MOB1B: variants seen among roughly 807,000 people sequenced by gnomAD.
MOB1B encodes MOB1 Mps One Binder homolog B.
MOB1B carries 19 observed loss-of-function variants against 24.4 expected under a neutral mutation model. The ratio of observed to expected loss-of-function variants is 0.78; its 90% CI spans 0.54 to 1.14. The LOEUF (loss-of-function observed/expected upper bound fraction) is 1.14. Ranked by LOEUF, MOB1B falls within the 50% of genes most tolerant of loss-of-function variation. The pLI, the probability that MOB1B is intolerant of heterozygous loss-of-function variation, is 0.00. For missense variants in MOB1B, 243 were observed against 259.6 expected (o/e 0.94, Z 0.44); for synonymous variants, 76 against 82.1 (o/e 0.93, Z 0.40).
Position 70,940,305 on chromosome 4 carries a change from C to T in MOB1B, c.15-18569C>T, listed in dbSNP as rs532488267. Reference sequence around the variant, plus strand: ...CCAGCCCTCTCCAGAGACCCACCTTCCTCTGTCTACCCAGCACTTTTCTGC... The same window carrying T: ...CCAGCCCTCTCCAGAGACCCACCTTTCTCTGTCTACCCAGCACTTTTCTGC... On this transcript the variant is annotated intron_variant, in intron 1 of 5. Transcript: ENST00000309395. 9.8e-5 allele frequency among the ~76,000 whole-genome samples: 15 copies of T among 152,288 alleles called. No individual in the cohort carries two copies. In the South Asian group the frequency reaches 2.5e-3, roughly 25 times the overall value.
intron 1 of MOB1B, among the ~76,000 whole-genome samples, chr4:70,956,605 A>G (rs1461615057): frequency 6.6e-6 from 1 of 151,898 alleles, no homozygotes; most frequent in African/African-American, 2.4e-5. Flanking sequence ...TAAGTTTTGT[A>G]TTTTTTGTAG....
At chr4:70,978,998 A>G (rs1739102679) in intron 4 of MOB1B, 130 bp from the exon 5 acceptor site, 1 of 706,098 alleles carries the variant, frequency 1.4e-6, no homozygotes, top group South Asian at 1.8e-5. Context: ...TATAATGGGT[A>G]TATGTATAAA....
intron 2 of MOB1B, among the ~76,000 whole-genome samples, chr4:70,964,852 C>CCTG (rs1304400494): frequency 6.6e-6 from 1 of 151,698 alleles, no homozygotes; most frequent in Non-Finnish European, 1.5e-5. Context: ...ATTGCTTGAA[C>CCTG]CCAGGAAGCA....
chr4:70,902,514 C>T lies in MOB1B; in HGVS notation c.-23C>T. 1 of 1,561,808 alleles carries T rather than the reference C, an allele frequency of 6.4e-7. No homozygotes were observed. The highest frequency in any genetic ancestry group is 2.4e-5 in the East Asian group (1 of 42,068). On this transcript the variant is annotated 5_prime_UTR_variant, in exon 1 of 6. Transcript: ENST00000309395. ...CTCCGAGGCCTCGCGACCGCCGAGC[C>T]TGCAGCCTGCCCCGCGGCCAACATG...
rs1008928786 is a variant in MOB1B at position 70,984,261 on chromosome 4, A to G, written c.*2204A>G. The G allele has an allele frequency of 3.3e-5, 5 of 152,168 alleles. No individual in the cohort carries two copies. Among genetic ancestry groups the G allele is most frequent in the African/African-American group, 7.2e-5 (3 of 41,442 alleles). 9.4% of individuals were successfully genotyped at this position (152,168 alleles called of 1,614,324 possible). ...GTCACTGGGAAGTAAGGAGATGTATATATGTGTATATATGGTAACAAAGCA... is the reference window on the plus strand; with the variant it reads ...GTCACTGGGAAGTAAGGAGATGTATGTATGTGTATATATGGTAACAAAGCA... On this transcript the variant is annotated 3_prime_UTR_variant, in exon 6 of 6. Transcript: ENST00000309395.
intron 2 of MOB1B, among the ~76,000 whole-genome samples, chr4:70,959,333 T>C (rs1446877582): frequency 3.3e-5 from 5 of 152,140 alleles, no homozygotes; most frequent in Admixed American, 3.3e-4. Context: ...CCTCAGCCTC[T>C]AGCGTAGCTG....
At chr4:70,956,664 C>A (rs1738066383) in intron 1 of MOB1B, among the ~76,000 whole-genome samples, 1 of 152,060 alleles carries the variant, frequency 6.6e-6, no homozygotes, top group Non-Finnish European at 1.5e-5. Flanking sequence ...AAGCAATCTG[C>A]CCGCCTCGAC....
chr4:70,956,520 TC>T (rs1248777741), intron 1 of MOB1B, among the ~76,000 whole-genome samples: 12 of 152,162 alleles, frequency 7.9e-5, no homozygotes, highest in Non-Finnish European at 1.8e-4. Flanking sequence ...AGCCTTGACT[TC>T]CTGGGCTCAA....
At chr4:70,958,831 T>C (rs766636012) in intron 1 of MOB1B, 43 bp from the exon 2 acceptor site, 1 of 1,522,850 alleles carries the variant, frequency 6.6e-7, no homozygotes, top group South Asian at 1.2e-5. Context: ...TTGAATGTCA[T>C]GCCTTAAATA....
At chr4:70,948,386 T>G (rs1454698661) in intron 1 of MOB1B, among the ~76,000 whole-genome samples, 1 of 152,150 alleles carries the variant, frequency 6.6e-6, no homozygotes, top group Non-Finnish European at 1.5e-5. Context: ...TTAGTAACCA[T>G]CTCCACAGTC....
chr4:70,920,870 A>G (rs908224706), intron 1 of MOB1B, among the ~76,000 whole-genome samples: 1 of 152,240 alleles, frequency 6.6e-6, no homozygotes, highest in Admixed American at 6.5e-5. Flanking sequence ...AAATCCAAAA[A>G]GTTAGCTTAA....
chr4:70,954,137 A>T (rs965626957), intron 1 of MOB1B, among the ~76,000 whole-genome samples: 3 of 152,190 alleles, frequency 2.0e-5, no homozygotes, highest in Non-Finnish European at 4.4e-5. Flanking sequence ...TTCTGAACTA[A>T]TTATCTTTTC....
At chr4:70,922,439 C>G (rs998787546) in intron 1 of MOB1B, among the ~76,000 whole-genome samples, 5 of 151,986 alleles carry the variant, frequency 3.3e-5, no homozygotes, top group Admixed American at 6.6e-5. Context: ...AAAGGCAGGA[C>G]AATTCGAGGT....
At chr4:70,961,560 C>G (rs534337645) in intron 2 of MOB1B, among the ~76,000 whole-genome samples, 1 of 152,194 alleles carries the variant, frequency 6.6e-6, no homozygotes, top group African/African-American at 2.4e-5. Context: ...ACGCCTAGAA[C>G]TTTGAGAACT....
intron 2 of MOB1B, among the ~76,000 whole-genome samples, chr4:70,961,223 C>T (rs1342950651): frequency 6.6e-6 from 1 of 152,118 alleles, no homozygotes; most frequent in Non-Finnish European, 1.5e-5. Context: ...TGAATATAGT[C>T]TCTCTCTTTC....
intron 1 of MOB1B, among the ~76,000 whole-genome samples, chr4:70,923,734 G>C (rs1363907317): frequency 6.6e-6 from 1 of 151,964 alleles, no homozygotes; most frequent in Non-Finnish European, 1.5e-5. Context: ...CGGATCACAA[G>C]ATCAGGAGAA....
chr4:70,939,436 G>A (rs899068727), intron 1 of MOB1B, among the ~76,000 whole-genome samples: 7 of 152,158 alleles, frequency 4.6e-5, no homozygotes, highest in South Asian at 2.1e-4. Context: ...TCTCACACCC[G>A]TAATCACAGG....
At chr4:70,980,675 A>G (rs1201670568) in intron 5 of MOB1B, among the ~76,000 whole-genome samples, 1 of 152,108 alleles carries the variant, frequency 6.6e-6, no homozygotes, top group African/African-American at 2.4e-5. Flanking sequence ...GCCTACCTAG[A>G]TCCCTTCTGT....
At chr4:70,952,056 T>C (rs919371492) in intron 1 of MOB1B, among the ~76,000 whole-genome samples, 5 of 152,190 alleles carry the variant, frequency 3.3e-5, no homozygotes, top group African/African-American at 1.2e-4. Flanking sequence ...CTATATAAAA[T>C]TTAAAAATGT....
Sources: allele counts gnomAD v4.1 joint callset (sites outside exome capture counted in the v4.1 genomes callset), GRCh38; gene constraint gnomAD v4.1.1; transcripts MANE v1.5; gene names NCBI Gene and HGNC (gene_info 2026-07-23, HGNC 2026-07-21).